The following TNFRSF1A variants were observed in gnomAD, a reference collection of about 807,000 sequenced individuals.
TNFRSF1A encodes the protein TNF receptor superfamily member 1A.
A neutral mutation model predicts 41.6 loss-of-function variants in TNFRSF1A; 9 were observed. That is an observed-to-expected ratio of 0.22 (90% confidence interval 0.13 to 0.38). The LOEUF is 0.38. Ranked by LOEUF, TNFRSF1A falls within the 10% of genes least tolerant of loss-of-function variation. TNFRSF1A has a pLI of 1.00. For missense variants in TNFRSF1A, 463 were observed against 591.5 expected (o/e 0.78, Z 2.25); for synonymous variants, 254 against 248.6 (o/e 1.02, Z -0.21).
At chr12:6,335,814 G>A (rs1322073984) in intron 1 of TNFRSF1A, among the ~76,000 whole-genome samples, 1 of 152,170 alleles carries the variant, frequency 6.6e-6, no homozygotes, top group African/African-American at 2.4e-5. Flanking sequence ...ACGGGGAGAC[G>A]CTGCAGCTGT....
Position 6,333,789 on chromosome 12 carries a change from G to A in TNFRSF1A, c.270C>T (p.Thr90=), listed in dbSNP as rs200837112. 2.3e-5 allele frequency: 36 copies of A among 1,582,578 alleles called. No individual in the cohort carries two copies. In the South Asian group the frequency reaches 2.3e-4, roughly 10 times the overall value. ...DCRECESGSF[T]ASENHLRHCL... ...AGTGTCTGAGGTGGTTTTCTGAAGC[G>A]GTGAAGGAGCCGCTCTCACACTCCC... The change falls in exon 3 of 10, where the codon ACC becomes ACT. Residue 90 remains threonine (T), a synonymous_variant. Coordinates refer to ENST00000162749, the MANE Select transcript of TNFRSF1A (RefSeq NM_001065.4). The surrounding 1 kb of genome is among the most constrained non-coding windows in gnomAD (Gnocchi z 6.3).
Position 6,329,496 on chromosome 12 carries a change from C to A in TNFRSF1A, c.1184G>T (p.Cys395Phe). The change falls in exon 10 of 10, where the codon TGC (cysteine) becomes TTC (phenylalanine). Residue 395 changes from cysteine to phenylalanine, a missense_variant. Cys to Phe is a radical substitution (Grantham distance 205). Around this residue, in one of 4 missense-constraint regions of TNFRSF1A, gnomAD observed 277 missense variants for 288.8 expected, o/e 0.96. Coordinates refer to ENST00000162749, the MANE Select transcript of TNFRSF1A (RefSeq NM_001065.4). ...IDRLELQNGRCLREAQYSMLA... is the reference protein window; with the variant it reads ...IDRLELQNGRFLREAQYSMLA... Reference sequence around the variant, plus strand: ...CATGCTGTATTGCGCCTCGCGCAGGCAGCGCCCGTTCTGCAGCTCCAGCCG... The same window carrying A: ...CATGCTGTATTGCGCCTCGCGCAGGAAGCGCCCGTTCTGCAGCTCCAGCCG... The A allele has an allele frequency of 6.3e-7, 1 of 1,594,884 alleles. No individual in the cohort carries two copies. The highest frequency in any genetic ancestry group is 8.5e-7 in the Non-Finnish European group (1 of 1,178,014).
chr12:6,335,602 G>C (rs936951665), intron 1 of TNFRSF1A, among the ~76,000 whole-genome samples: 19 of 152,268 alleles, frequency 1.2e-4, no homozygotes, highest in Admixed American at 1.3e-4. Context: ...TTTTCCCTGG[G>C]CTTCATTTTT....
intron 5 of TNFRSF1A, 115 bp from the exon 6 acceptor site, chr12:6,331,041 A>G: frequency 1.1e-6 from 1 of 879,304 alleles, no homozygotes; most frequent in Non-Finnish European, 1.8e-6. Context: ...CTGTCTCTTG[A>G]TATAATTTGT....
rs201994938 is a variant in TNFRSF1A at position 6,329,797 on chromosome 12, G to C, written c.1038C>G (p.His346Gln). 2.1e-5 allele frequency: 33 copies of C among 1,597,612 alleles called. No homozygotes were observed. The highest frequency in any genetic ancestry group is 2.7e-5 in the African/African-American group (2 of 74,560). ...NPLQKWEDSA[H>Q]KPQSLDTDDP... ...ACTCACTGTCTAGGCTCTGTGGCTT[G>C]TGGGCGCTGTCCTCCCACTTCTGAA... Residue 346 changes from histidine (H) to glutamine (Q), a missense_variant, in exon 9 of 10, where the codon CAC becomes CAG. Transcript: ENST00000162749.
At position 6,334,863 on chromosome 12, in the gene TNFRSF1A, G is replaced by T. The variant is rs1374296096; in HGVS notation, c.40-619C>A. On this transcript the variant is annotated intron_variant, in intron 1 of 9. Coordinates refer to ENST00000162749, the MANE Select transcript of TNFRSF1A (RefSeq NM_001065.4). The surrounding 1 kb of genome is among the most constrained non-coding windows in gnomAD (Gnocchi z 5.1). ...CTGGACACAGGGCAGATGTTGAAAG[G>T]ATGTGTTTTTGATTGGGAATTGGCA... Among the ~76,000 whole-genome samples, 1 of 152,196 alleles carries T rather than the reference G, an allele frequency of 6.6e-6. No homozygotes were observed. Among genetic ancestry groups the T allele is most frequent in the African/African-American group, 2.4e-5 (1 of 41,436 alleles).
Position 6,341,705 on chromosome 12 carries a change from C to T in TNFRSF1A, c.39+71G>A, listed in dbSNP as rs75304026. On this transcript the variant is annotated intron_variant, in intron 1 of 9. Coordinates refer to ENST00000162749, the MANE Select transcript of TNFRSF1A (RefSeq NM_001065.4). This position sits in a 1 kb window ranked among gnomAD's most constrained non-coding sequence, Gnocchi z 4.6. ...GGGCAGGAGAGGCTCGGCCCCCTCCCGGAGAGGGCCCACGCCAGCCGGAAG... is the reference window on the plus strand; with the variant it reads ...GGGCAGGAGAGGCTCGGCCCCCTCCTGGAGAGGGCCCACGCCAGCCGGAAG... The T allele has an allele frequency of 1.0e-4, 163 of 1,575,690 alleles. No homozygotes were observed. Among genetic ancestry groups the T allele is most frequent in the Middle Eastern group, 7.7e-4 (4 of 5,220 alleles).
chr12:6,332,942 C>T, intron 5 of TNFRSF1A, 127 bp downstream of exon 5: 1 of 798,176 alleles, frequency 1.3e-6, no homozygotes, highest in South Asian at 1.4e-5. Context: ...GTGTCTCCTA[C>T]TCAGCCAGTA....
At chr12:6,336,457 C>CA (rs1203959172) in intron 1 of TNFRSF1A, among the ~76,000 whole-genome samples, 1 of 152,124 alleles carries the variant, frequency 6.6e-6, no homozygotes, top group Non-Finnish European at 1.5e-5. Context: ...AGCCTGCATG[C>CA]AAGTGGGACT....
At chr12:6,332,195 C>G (rs768776719) in intron 5 of TNFRSF1A, among the ~76,000 whole-genome samples, 1 of 151,704 alleles carries the variant, frequency 6.6e-6, no homozygotes, top group African/African-American at 2.4e-5. Context: ...AATCCTAGCA[C>G]TTTGGGAGGC....
rs763842386 is a variant in TNFRSF1A, at chr12:6,337,669, C to T, written c.40-3425G>A. Among the ~76,000 whole-genome samples the T allele has an allele frequency of 7.2e-5, 11 of 152,136 alleles. No individual in the cohort carries two copies. The highest frequency in any genetic ancestry group is 1.6e-4 in the Non-Finnish European group (11 of 68,024). ...CCATAGTCCCTGTGAACTCGAAGCA[C>T]GTGAACTGACCCTATCTACTTTTGG... is the stretch of plus-strand genomic sequence containing the variant. On this transcript the variant is annotated intron_variant, in intron 1 of 9. Coordinates refer to ENST00000162749, the MANE Select transcript of TNFRSF1A (RefSeq NM_001065.4). The surrounding 1 kb of genome is among the most constrained non-coding windows in gnomAD (Gnocchi z 4.6).
chr12:6,331,365 T>G, intron 5 of TNFRSF1A: 1 of 269,620 alleles, frequency 3.7e-6, no homozygotes, highest in Non-Finnish European at 7.4e-6. Context: ...TCATCACTGT[T>G]TTGCTGATAA....
chr12:6,340,235 C>T (rs1450912394), intron 1 of TNFRSF1A, among the ~76,000 whole-genome samples: 3 of 152,174 alleles, frequency 2.0e-5, no homozygotes, highest in Non-Finnish European at 4.4e-5. Flanking sequence ...TAGCCCAGAG[C>T]GCACACTTAA....
chr12:6,332,456 CA>C (rs1948064415), intron 5 of TNFRSF1A, among the ~76,000 whole-genome samples: 1 of 46,294 alleles, frequency 2.2e-5, no homozygotes. Flanking sequence ...AAAAAAAAAA[CA>C]CCAAAAGAAA....
At chr12:6,330,197 G>T (rs914129271) in intron 8 of TNFRSF1A, 70 bp downstream of exon 8, 3 of 1,613,038 alleles carry the variant, frequency 1.9e-6, no homozygotes, top group Admixed American at 1.7e-5. Context: ...GATTCCAGGG[G>T]ATCTGAGCAT....
rs1229074713 is a variant in TNFRSF1A at position 6,329,181 on chromosome 12, G to C, written c.*131C>G. On this transcript the variant is annotated 3_prime_UTR_variant, in exon 10 of 10. Coordinates refer to ENST00000162749, the MANE Select transcript of TNFRSF1A (RefSeq NM_001065.4). ...GCAGCTGAGAAAAGCTATGTACATC[G>C]AGGGGTTAGCACCAAGTAGGCGGCT... is the stretch of plus-strand genomic sequence containing the variant. The C allele has an allele frequency of 1.2e-6, 1 of 859,792 alleles. No homozygotes were observed. The highest frequency in any genetic ancestry group is 1.7e-6 in the Non-Finnish European group (1 of 602,908). The allele number at this position is 859,792 out of a possible 1,614,324, so 53.3% of individuals were successfully genotyped here. A position where few individuals can be genotyped will look rare whatever the true frequency, so the allele number is the denominator to read the frequency against.
Position 6,330,896 on chromosome 12 carries a change from C to A in TNFRSF1A, c.582G>T (p.Leu194Phe). The part of the protein sequence containing the change: ...NCKKSLECTK[L>F]CLPQIENVKG... Reference sequence around the variant, plus strand: ...TAACATTCTCAATCTGGGGTAGGCACAACTTCGTGCACTCCAGGCTTTTCT... The same window carrying A: ...TAACATTCTCAATCTGGGGTAGGCAAAACTTCGTGCACTCCAGGCTTTTCT... The change falls in exon 6 of 10, where the codon TTG (leucine) becomes TTT (phenylalanine). Residue 194 changes from leucine to phenylalanine, a missense_variant. Leu to Phe is a conservative substitution (Grantham distance 22). This residue lies in a region of TNFRSF1A where 149 missense variants were observed against 239.4 expected (regional missense o/e 0.62). Coordinates refer to ENST00000162749, the MANE Select transcript of TNFRSF1A (RefSeq NM_001065.4). The A allele has an allele frequency of 6.2e-7, 1 of 1,613,634 alleles. No homozygotes were observed. Among genetic ancestry groups the A allele is most frequent in the Non-Finnish European group, 8.5e-7 (1 of 1,180,040 alleles).
chr12:6,336,242 G>A (rs1948118417), intron 1 of TNFRSF1A, among the ~76,000 whole-genome samples: 1 of 152,046 alleles, frequency 6.6e-6, no homozygotes, highest in African/African-American at 2.4e-5. Flanking sequence ...AGGGAGGGAG[G>A]GAGAGAGGCT....
In TNFRSF1A at chr12:6,329,778, T is replaced by C. The variant is rs759408006; in HGVS notation, c.1057A>G (p.Thr353Ala). 3.1e-6 allele frequency: 5 copies of C among 1,602,610 alleles called. No homozygotes were observed. The highest frequency in any genetic ancestry group is 1.7e-5 in the Admixed American group (1 of 58,644). The change falls in exon 9 of 10, where the codon ACT becomes GCT. Residue 353 changes from threonine (T) to alanine (A), a missense_variant and splice_region_variant. Thr to Ala is a moderately conservative substitution (Grantham distance 58, BLOSUM62 0). Transcript: ENST00000162749. ...GTCTCCAGCCGCGGGAGAAACTCAC[T>C]GTCTAGGCTCTGTGGCTTGTGGGCG... ...DSAHKPQSLD[T>A]DDPATLYAVV... is the part of the protein sequence containing the mutation.
Sources: gnomAD v4.1 joint callset for allele counts (sites outside exome capture counted in the v4.1 genomes callset) on GRCh38, gnomAD v4.1.1 for gene constraint, gnomAD v4.1.1 regional missense constraint, Gnocchi (gnomAD v3.1) non-coding constraint, MANE v1.5 for transcripts, NCBI Gene and HGNC (gene_info 2026-07-23, HGNC 2026-07-21) for gene names.